Variants in RANBP10 observed in about 807,000 individuals in gnomAD.
RANBP10 encodes RAN binding protein 10, also known as ran-binding protein 10.
In RANBP10, 24 loss-of-function variants were observed where a neutral mutation model predicts 72.8. The observed-to-expected ratio is 0.33, with a 90% CI of 0.24 to 0.46. The LOEUF is 0.46. RANBP10 is among the 20% of genes least tolerant of loss of function. The pLI, the probability that RANBP10 is intolerant of heterozygous loss-of-function variation, is 1.00. For synonymous variants in RANBP10, 310 were observed against 322.3 expected (o/e 0.96, Z 0.41); for missense variants, 679 against 817.5 (o/e 0.83, Z 2.07).
intron 6 of RANBP10, among the ~76,000 whole-genome samples, 164 bp from the exon 7 acceptor site, chr16:67,731,748 T>G (rs1194909768): frequency 1.3e-5 from 2 of 152,156 alleles, no homozygotes; most frequent in African/African-American, 4.8e-5. Context: ...AAATGAAAAC[T>G]TCCCCCATGG....
intron 3 of RANBP10, among the ~76,000 whole-genome samples, chr16:67,770,598 G>A (rs149561163): frequency 5.4e-4 from 82 of 152,280 alleles, no homozygotes; most frequent in African/African-American, 1.6e-3. Context: ...ACCCCATGAC[G>A]TGTCAGGGAA....
chr16:67,757,329 G>A (rs1027111031), intron 3 of RANBP10, among the ~76,000 whole-genome samples: 6 of 152,176 alleles, frequency 3.9e-5, no homozygotes, highest in Non-Finnish European at 5.9e-5. Flanking sequence ...AATGGCCACC[G>A]ACGGCAGCCC....
intron 2 of RANBP10, among the ~76,000 whole-genome samples, chr16:67,790,064 C>T (rs1294153456): frequency 6.6e-6 from 1 of 151,012 alleles, no homozygotes; most frequent in Non-Finnish European, 1.5e-5. Flanking sequence ...CCACTGCACT[C>T]CAGCCTGGGT....
chr16:67,734,872 C>G lies in RANBP10; in HGVS notation c.762G>C (p.Gln254His), dbSNP rs1187859306. The G allele has an allele frequency of 6.2e-7, 1 of 1,601,374 alleles. No homozygotes were observed. The stretch of plus-strand genomic sequence containing the variant: ...AGGGCACTCACTTCTGCAGCACTGC[C>G]TGCCACTCGCCAAGCCGGGCACTGA... ...FPISARLGEW[Q>H]AVLQNMVSSY... is the part of the protein sequence containing the mutation. Residue 254 changes from glutamine (Q) to histidine (H), a missense_variant, in exon 6 of 14, where the codon CAG (glutamine) becomes CAC (histidine). By Grantham distance (24) the Gln-to-His change is conservative (BLOSUM62 0). Transcript: ENST00000317506.
At chr16:67,780,163 C>T (rs1347041643) in intron 2 of RANBP10, among the ~76,000 whole-genome samples, 1 of 151,870 alleles carries the variant, frequency 6.6e-6, no homozygotes, top group Non-Finnish European at 1.5e-5. Flanking sequence ...ACCCGGGAGG[C>T]GGAGAATGCA....
chr16:67,767,139 C>T (rs1213948970), intron 3 of RANBP10, among the ~76,000 whole-genome samples: 39 of 152,098 alleles, frequency 2.6e-4, no homozygotes. Flanking sequence ...CAGACCAGCC[C>T]AGAGAGGTTA....
chr16:67,801,353 C>G (rs1009224891), intron 2 of RANBP10, among the ~76,000 whole-genome samples: 4 of 152,132 alleles, frequency 2.6e-5, no homozygotes, highest in Non-Finnish European at 5.9e-5. Flanking sequence ...TCACTCTACC[C>G]AGGGAAGAAA....
intron 2 of RANBP10, among the ~76,000 whole-genome samples, chr16:67,795,471 G>A (rs1391947908): frequency 2.6e-5 from 4 of 152,034 alleles, no homozygotes; most frequent in East Asian, 1.9e-4. Context: ...CCCGGGAGGC[G>A]GAAGTTATGG....
chr16:67,752,470 G>A (rs2054214917), intron 3 of RANBP10, among the ~76,000 whole-genome samples: 1 of 152,156 alleles, frequency 6.6e-6, no homozygotes, highest in South Asian at 2.1e-4. Flanking sequence ...CTGTTCTCCA[G>A]AACTGTAAAA....
At position 67,743,973 on chromosome 16, in the gene RANBP10, T is replaced by C. The variant is rs552265890; in HGVS notation, c.568+315A>G. Among the ~76,000 whole-genome samples, 27 of 152,244 alleles carry C rather than the reference T, an allele frequency of 1.8e-4. No individual in the cohort carries two copies. In the South Asian group the frequency reaches 4.8e-3, roughly 27 times the overall value. Reference sequence around the variant, plus strand: ...ACGCAAACCACCACCACGCAACCTATGCAAGGGTTCCCCAAACTTCTCATC... The same window carrying C: ...ACGCAAACCACCACCACGCAACCTACGCAAGGGTTCCCCAAACTTCTCATC... On this transcript the variant is annotated intron_variant, in intron 4 of 13. Transcript: ENST00000317506.
At chr16:67,743,012 T>C (rs999197724) in intron 4 of RANBP10, among the ~76,000 whole-genome samples, 2 of 152,184 alleles carry the variant, frequency 1.3e-5, no homozygotes, top group African/African-American at 4.8e-5. Context: ...CCGTGCTATG[T>C]TCTCGGCTGC....
Position 67,801,806 on chromosome 16 carries a change from A to G in RANBP10, c.347+3622T>C, listed in dbSNP as rs117833062. Among the ~76,000 whole-genome samples, 1,227 of 152,136 alleles carry G rather than the reference A, an allele frequency of 8.1e-3. 7 individuals carry two copies. The highest frequency in any genetic ancestry group is 0.012 in the Non-Finnish European group (815 of 68,010). On this transcript the variant is annotated intron_variant, in intron 2 of 13. Coordinates refer to ENST00000317506, the MANE Select transcript of RANBP10 (RefSeq NM_020850.3). ...CCCATCTCTATAAAATAGTTAAAAA[A>G]AAAATCAGCTGGGCATGGTGGCTCA...
chr16:67,742,472 G>T (rs748887623), intron 4 of RANBP10, among the ~76,000 whole-genome samples: 1 of 152,206 alleles, frequency 6.6e-6, no homozygotes, highest in Non-Finnish European at 1.5e-5. Context: ...TACAAGATGT[G>T]TGAGGTCTTG....
chr16:67,772,027 G>A lies in RANBP10; in HGVS notation c.400+7C>T, dbSNP rs746698648. 5.6e-6 allele frequency: 9 copies of A among 1,601,080 alleles called. No individual in the cohort carries two copies. The East Asian group carries it at 2.0e-4, about 36-fold the overall frequency. ...CAGAACAAATGTTCTCTTAAACAGT[G>A]ACTCACCAGGAAGTCTGTTCATGTT... On this transcript the variant is annotated splice_region_variant and intron_variant, in intron 3 of 13. Transcript: ENST00000317506.
Position 67,729,482 on chromosome 16 carries a change from C to A in RANBP10, c.1150G>T (p.Ala384Ser). Residue 384 changes from alanine to serine, a missense_variant and splice_region_variant, in exon 10 of 14, where the codon GCA becomes TCA. Ala to Ser is a moderately conservative substitution (Grantham distance 99, BLOSUM62 1). Transcript: ENST00000317506. This position sits in a 1 kb window ranked among gnomAD's most constrained non-coding sequence, Gnocchi z 7.1. Reference protein sequence around the residue: ...PSSSHMHNTGADSPSCSNGVA... With the variant: ...PSSSHMHNTGSDSPSCSNGVA... The stretch of plus-strand genomic sequence containing the variant: ...CCATTGCTACAGCTGGGACTGTCTG[C>A]TCCTAGAAGCCAGGGTGACAGTCAG... 3.1e-6 allele frequency: 5 copies of A among 1,610,888 alleles called. No homozygotes were observed. Among genetic ancestry groups the A allele is most frequent in the Non-Finnish European group, 4.2e-6 (5 of 1,178,706 alleles).
At chr16:67,738,099 T>G in intron 4 of RANBP10, 64 bp from the exon 5 acceptor site, 1 of 1,490,644 alleles carries the variant, frequency 6.7e-7, no homozygotes, top group Admixed American at 2.3e-5. Context: ...CTGCACCCCA[T>G]GGTGGAGCCA....
intron 7 of RANBP10, 105 bp downstream of exon 7, chr16:67,731,367 C>A: frequency 2.2e-6 from 2 of 922,466 alleles, no homozygotes; most frequent in Non-Finnish European, 3.5e-6. Context: ...TCATGAGGAC[C>A]AGAGCTGAAT....
intron 6 of RANBP10, among the ~76,000 whole-genome samples, chr16:67,734,158 G>A (rs1306214158): frequency 1.3e-5 from 2 of 152,238 alleles, no homozygotes; most frequent in Non-Finnish European, 2.9e-5. Context: ...TGGTGCCTTT[G>A]CAGGGCAATG....
rs144194845 is a variant in RANBP10, at chr16:67,741,343, C to T, written c.568+2945G>A. ...GCTTCCAGGAGAATGAGGAAAGACG[C>T]TACTCCACCCACTACTGCACTGGAC... On this transcript the variant is annotated intron_variant, in intron 4 of 13. Coordinates refer to ENST00000317506, the MANE Select transcript of RANBP10 (RefSeq NM_020850.3). Among the ~76,000 whole-genome samples the T allele has an allele frequency of 5.3e-3, 806 of 152,348 alleles. 12 individuals carry two copies. Among genetic ancestry groups the T allele is most frequent in the African/African-American group, 0.019 (776 of 41,578 alleles).
Sources: gnomAD v4.1 joint callset for allele counts (sites outside exome capture counted in the v4.1 genomes callset) on GRCh38, gnomAD v4.1.1 for gene constraint, Gnocchi (gnomAD v3.1) non-coding constraint, MANE v1.5 for transcripts, NCBI Gene and HGNC (gene_info 2026-07-23, HGNC 2026-07-21) for gene names.